Variants in COMMD10 observed in about 807,000 individuals in gnomAD.
COMMD10 encodes the protein COMM domain-containing protein 10.
In COMMD10, 33 loss-of-function variants were observed where a neutral mutation model predicts 28.9. That is an observed-to-expected ratio of 1.14 (90% confidence interval 0.87 to 1.53). The LOEUF is 1.53. Ranked by LOEUF, COMMD10 falls within the 40% of genes most tolerant of loss-of-function variation. COMMD10 has a pLI of 0.00. For missense variants in COMMD10, 310 were observed against 233.4 expected, an observed-to-expected ratio of 1.33 and a Z score of -2.14; for synonymous variants, 110 against 81.7, an observed-to-expected ratio of 1.35 and a Z score of -1.87.
chr5:116,210,447 G>A (rs1748931853), intron 5 of COMMD10, among the ~76,000 whole-genome samples: 1 of 151,914 alleles, frequency 6.6e-6, no homozygotes, highest in African/African-American at 2.4e-5. Context: ...TGATGGTAGG[G>A]ATGATAGCAG....
At chr5:116,233,301 G>A (rs1749575019) in intron 5 of COMMD10, among the ~76,000 whole-genome samples, 1 of 151,978 alleles carries the variant, frequency 6.6e-6, no homozygotes, top group Non-Finnish European at 1.5e-5. Context: ...ATCTTTTACA[G>A]TGCTTAATAT....
intron 5 of COMMD10, among the ~76,000 whole-genome samples, chr5:116,254,944 TAGGTCACTC>T (rs779929070): frequency 2.6e-3 from 388 of 151,602 alleles, no homozygotes; most frequent in Non-Finnish European, 4.4e-3. Context: ...AGTCTCTTTG[TAGGTCACTC>T]AGGACTTGCT....
rs535756346 is a variant in COMMD10 at position 116,266,448 on chromosome 5, T to C, written c.511-25069T>C. Reference sequence around the variant, plus strand: ...ACATTTATTTCATATGAAAATATTGTAAAATATTTTATGGATATTGTTTTT... The same window carrying C: ...ACATTTATTTCATATGAAAATATTGCAAAATATTTTATGGATATTGTTTTT... On this transcript the variant is annotated intron_variant, in intron 5 of 6. Coordinates refer to ENST00000274458, the MANE Select transcript of COMMD10 (RefSeq NM_016144.4). Among the ~76,000 whole-genome samples the C allele has an allele frequency of 4.0e-5, 6 of 151,858 alleles. No individual in the cohort carries two copies. The East Asian group carries it at 1.2e-3, about 29-fold the overall frequency.
At chr5:116,111,888 T>C (rs1751055982) in intron 4 of COMMD10, among the ~76,000 whole-genome samples, 1 of 152,178 alleles carries the variant, frequency 6.6e-6, no homozygotes, top group Admixed American at 6.5e-5. Flanking sequence ...CCTATTATTG[T>C]TTTTCTGTCT....
chr5:116,152,237 T>C (rs6594951), intron 5 of COMMD10, among the ~76,000 whole-genome samples: 75,421 of 152,002 alleles, frequency 0.5, 21,707 homozygotes, highest in Non-Finnish European at 0.65. Flanking sequence ...TGTTATAATT[T>C]GTGTTCTTTT....
intron 5 of COMMD10, among the ~76,000 whole-genome samples, chr5:116,156,951 T>G (rs1752734754): frequency 6.6e-6 from 1 of 152,162 alleles, no homozygotes; most frequent in South Asian, 2.1e-4. Flanking sequence ...CCATATTGCC[T>G]TATGGTGTAC....
At chr5:116,148,037 T>A (rs1752400545) in intron 5 of COMMD10, among the ~76,000 whole-genome samples, 1 of 151,860 alleles carries the variant, frequency 6.6e-6, no homozygotes, top group South Asian at 2.1e-4. Context: ...TATTTCTTTT[T>A]TTGGTAAATA....
chr5:116,086,362 T>C (rs1204732322), intron 1 of COMMD10, among the ~76,000 whole-genome samples: 1 of 152,206 alleles, frequency 6.6e-6, no homozygotes, highest in Non-Finnish European at 1.5e-5. Flanking sequence ...ATAGAATTGT[T>C]CTCATCACAT....
At chr5:116,089,794 C>T (rs1157396753) in intron 2 of COMMD10, among the ~76,000 whole-genome samples, 1 of 152,168 alleles carries the variant, frequency 6.6e-6, no homozygotes, top group East Asian at 1.9e-4. Context: ...TGAATACTTG[C>T]CTGCTAAGAA....
At chr5:116,230,662 T>TA (rs1231549171) in intron 5 of COMMD10, among the ~76,000 whole-genome samples, 1 of 152,044 alleles carries the variant, frequency 6.6e-6, no homozygotes, top group Non-Finnish European at 1.5e-5. Flanking sequence ...CAAGTTGTTT[T>TA]AAAAAAGAAA....
intron 5 of COMMD10, among the ~76,000 whole-genome samples, chr5:116,157,016 C>T (rs1752739910): frequency 6.6e-6 from 1 of 152,104 alleles, no homozygotes; most frequent in Non-Finnish European, 1.5e-5. Context: ...TCAGGCAAAT[C>T]CAAATGTTTA....
chr5:116,285,808 C>T (rs12520568), intron 5 of COMMD10, among the ~76,000 whole-genome samples: 11,141 of 151,740 alleles, frequency 0.073, 518 homozygotes, highest in Admixed American at 0.13. Context: ...TCAATACTTA[C>T]GGATATTGGT....
At chr5:116,155,868 C>T (rs1561636252) in intron 5 of COMMD10, among the ~76,000 whole-genome samples, 1 of 151,916 alleles carries the variant, frequency 6.6e-6, no homozygotes, top group Admixed American at 6.6e-5. Context: ...CATTTAGAAC[C>T]ATTAAATTTA....
chr5:116,163,337 C>G (rs929551681), intron 5 of COMMD10, among the ~76,000 whole-genome samples: 1 of 149,582 alleles, frequency 6.7e-6, no homozygotes, highest in South Asian at 2.1e-4. Context: ...GTACTTCCAG[C>G]ACTTTGGGAG....
Position 116,287,856 on chromosome 5 carries a change from A to G in COMMD10, c.511-3661A>G, listed in dbSNP as rs10477553. 7.1e-3 allele frequency among the ~76,000 whole-genome samples: 1,069 copies of G among 151,592 alleles called. 35 individuals carry two copies. The highest frequency in any genetic ancestry group is 0.024 in the African/African-American group (1,006 of 41,138). On this transcript the variant is annotated intron_variant, in intron 5 of 6. Coordinates refer to ENST00000274458, the MANE Select transcript of COMMD10 (RefSeq NM_016144.4). ...TGAAAACTTTCTCCTTTACTGCTCC[A>G]CTTCTCCATTTGTTACTGATGTTAC...
intron 5 of COMMD10, among the ~76,000 whole-genome samples, chr5:116,284,577 A>T (rs983945821): frequency 2.6e-5 from 4 of 151,878 alleles, no homozygotes; most frequent in African/African-American, 7.3e-5. Flanking sequence ...AAATTCCATT[A>T]TCTAATGACA....
chr5:116,250,964 T>A (rs971914426), intron 5 of COMMD10, among the ~76,000 whole-genome samples: 4 of 151,846 alleles, frequency 2.6e-5, no homozygotes, highest in African/African-American at 9.7e-5. Context: ...CCTACATTAT[T>A]CTGGCTTGGG....
chr5:116,162,507 T>G (rs1423140262), intron 5 of COMMD10, among the ~76,000 whole-genome samples: 1 of 152,202 alleles, frequency 6.6e-6, no homozygotes, highest in East Asian at 1.9e-4. Context: ...GCAGTGACTG[T>G]TTAATAAGAC....
intron 4 of COMMD10, among the ~76,000 whole-genome samples, chr5:116,115,513 T>C (rs928068122): frequency 6.6e-6 from 1 of 152,202 alleles, no homozygotes; most frequent in African/African-American, 2.4e-5. Flanking sequence ...CTACCACTTA[T>C]TAGAATTTGT....
Sources: allele counts gnomAD v4.1 joint callset (sites outside exome capture counted in the v4.1 genomes callset), GRCh38; gene constraint gnomAD v4.1.1; transcripts MANE v1.5; gene names NCBI Gene and HGNC (gene_info 2026-07-23, HGNC 2026-07-21).